The following DPP6 variants were observed in gnomAD, a reference collection of about 807,000 sequenced individuals.
DPP6 encodes the protein A-type potassium channel modulatory protein DPP6.
Under a neutral mutation model 122.6 loss-of-function variants are expected in DPP6, and 69 were observed. That is an observed-to-expected ratio of 0.56 (90% confidence interval 0.46 to 0.69). DPP6 has a LOEUF of 0.69. Ranked by LOEUF, DPP6 falls within the 30% of genes least tolerant of loss-of-function variation. The pLI is 0.00. For missense variants in DPP6, 928 were observed against 1,116.9 expected, an observed-to-expected ratio of 0.83 and a Z score of 2.41; for synonymous variants, 418 against 433.1, an observed-to-expected ratio of 0.97 and a Z score of 0.43.
At chr7:154,052,177 GC>G (rs1800387439), upstream of DPP6, among the ~76,000 whole-genome samples, 3 of 151,238 alleles carry the variant, frequency 2.0e-5, no homozygotes, top group South Asian at 6.3e-4. This position sits in a 1 kb window ranked among gnomAD's most constrained non-coding sequence, Gnocchi z 4.8. Context: ...CTCCCCCACC[GC>G]CCCCGCACCC....
chr7:154,553,992 T>C (rs114739745), intron 4 of DPP6, among the ~76,000 whole-genome samples: 1,597 of 151,078 alleles, frequency 0.011, 33 homozygotes, highest in African/African-American at 0.036. Context: ...CTGTAAACCA[T>C]CTGGACGCTT....
At chr7:154,451,361 CAAAAAA>C (rs397890050) in intron 2 of DPP6, among the ~76,000 whole-genome samples, 1 of 122,148 alleles carries the variant, frequency 8.2e-6, no homozygotes, top group Non-Finnish European at 1.7e-5. Flanking sequence ...CCTGTCTCAC[CAAAAAA>C]AAAAAAAAAA....
At chr7:153,905,293 A>G (rs1799802138) in intron 1 of DPP6, among the ~76,000 whole-genome samples, 1 of 152,160 alleles carries the variant, frequency 6.6e-6, no homozygotes, top group Non-Finnish European at 1.5e-5. Flanking sequence ...AGAGGATCCT[A>G]GTTTCTCTGG....
chr7:153,982,867 C>T (rs1796661082), intron 1 of DPP6, among the ~76,000 whole-genome samples: 1 of 152,234 alleles, frequency 6.6e-6, no homozygotes, highest in African/African-American at 2.4e-5. Context: ...TGGGTATCAC[C>T]AGTGAAGGCT....
At chr7:153,793,217 A>T in the DPP6 span, among the ~76,000 whole-genome samples, 172 of 152,040 alleles carry the variant, frequency 1.1e-3, no homozygotes, top group African/African-American at 4.1e-3. Flanking sequence ...AAAATGTGGG[A>T]AAGTTTGCAG....
At chr7:153,912,148 A>G (rs977763513) in intron 1 of DPP6, among the ~76,000 whole-genome samples, 4 of 152,252 alleles carry the variant, frequency 2.6e-5, no homozygotes, top group Non-Finnish European at 4.4e-5. Flanking sequence ...CAATAAATTT[A>G]CCAGTGGCTT....
chr7:154,638,430 C>T (rs967118799), intron 6 of DPP6, among the ~76,000 whole-genome samples: 8 of 152,138 alleles, frequency 5.3e-5, no homozygotes, highest in South Asian at 4.1e-4. Context: ...GGGGTTTCAG[C>T]GGCGTGTTGT....
At chr7:153,814,949 G>A in the DPP6 span, among the ~76,000 whole-genome samples, 9 of 148,128 alleles carry the variant, frequency 6.1e-5, no homozygotes, top group South Asian at 2.2e-4. Context: ...GGTATTGATG[G>A]GACGTATCTC....
intron 21 of DPP6, among the ~76,000 whole-genome samples, chr7:154,883,061 TCACA>T: frequency 1.7e-5 from 1 of 58,434 alleles, no homozygotes; most frequent in East Asian, 1.0e-3. Flanking sequence ...GCTCACACAT[TCACA>T]CACATGCTCA....
chr7:154,027,977 T>C (rs1281205214), intron 1 of DPP6, among the ~76,000 whole-genome samples: 1 of 150,732 alleles, frequency 6.6e-6, no homozygotes, highest in East Asian at 2.0e-4. Context: ...TTCCCAGCCT[T>C]ACTGGTTTGT....
At chr7:154,751,444 A>AT (rs1843377240) in intron 8 of DPP6, among the ~76,000 whole-genome samples, 2 of 127,392 alleles carry the variant, frequency 1.6e-5, no homozygotes, top group Non-Finnish European at 3.4e-5. Flanking sequence ...TCCTAAAAAT[A>AT]CAAAAAAAAA....
chr7:153,996,354 C>T (rs1215965302), intron 1 of DPP6, among the ~76,000 whole-genome samples: 3 of 152,128 alleles, frequency 2.0e-5, no homozygotes, highest in Non-Finnish European at 2.9e-5. Context: ...CCAGTTCCTC[C>T]TGTCTTAGAA....
At chr7:154,307,955 T>C (rs1806507406) in intron 1 of DPP6, among the ~76,000 whole-genome samples, 1 of 152,008 alleles carries the variant, frequency 6.6e-6, no homozygotes, top group Non-Finnish European at 1.5e-5. Context: ...TAAACTGTGC[T>C]AACTCAATGA....
rs142719816 is a variant in DPP6 at position 154,213,471 on chromosome 7, T to C, written c.243+160408T>C. On this transcript the variant is annotated intron_variant, in intron 1 of 25. Coordinates refer to ENST00000377770, the MANE Select transcript of DPP6 (RefSeq NM_130797.4). ...ACCACCCTGAGTGTTCAGTGAGGAA[T>C]TGCTGCAAGGACAAAGAGTTCCCAA... is the stretch of plus-strand genomic sequence containing the variant. Among the ~76,000 whole-genome samples, 452 of 152,298 alleles carry C rather than the reference T, an allele frequency of 3.0e-3. 5 individuals are homozygous for C. The highest frequency in any genetic ancestry group is 0.01 in the African/African-American group (429 of 41,560).
chr7:153,826,748 G>C, the DPP6 span, among the ~76,000 whole-genome samples: 1 of 152,010 alleles, frequency 6.6e-6, no homozygotes, highest in Admixed American at 6.6e-5. Flanking sequence ...CTTGTTATTG[G>C]AGGAAAAAAT....
At chr7:154,627,463 G>T (rs1371312806) in intron 5 of DPP6, among the ~76,000 whole-genome samples, 1 of 151,948 alleles carries the variant, frequency 6.6e-6, no homozygotes, top group Admixed American at 6.6e-5. Context: ...CTCCCAAAGT[G>T]CTGGGATTAC....
the DPP6 span, among the ~76,000 whole-genome samples, chr7:153,875,874 G>A: frequency 7.2e-6 from 1 of 138,128 alleles, no homozygotes; most frequent in Non-Finnish European, 1.5e-5. Flanking sequence ...GACTGAATTA[G>A]CAAATAAAGA....
rs561431486 is a variant in DPP6, at chr7:154,367,913, T to C, written c.244-78301T>C. Among the ~76,000 whole-genome samples, 137 of 152,286 alleles carry C rather than the reference T, an allele frequency of 9.0e-4. 1 individual carries two copies. The highest frequency in any genetic ancestry group is 1.4e-3 in the Admixed American group (22 of 15,306). On this transcript the variant is annotated intron_variant, in intron 1 of 25. Transcript: ENST00000377770. ...CCTCCGCCTCCCGGGTTCAAGCGAT[T>C]CTCCTGCCTCAGCCTCCTGAGTAGC...
the DPP6 span, among the ~76,000 whole-genome samples, chr7:153,848,635 T>TA: frequency 6.6e-6 from 1 of 152,206 alleles, no homozygotes; most frequent in African/African-American, 2.4e-5. Context: ...GTTTTCTTTT[T>TA]AAAAAATTTC....
Sources: gnomAD v4.1 joint callset for allele counts (sites outside exome capture counted in the v4.1 genomes callset) on GRCh38, gnomAD v4.1.1 for gene constraint, Gnocchi (gnomAD v3.1) non-coding constraint, MANE v1.5 for transcripts, NCBI Gene and HGNC (gene_info 2026-07-23, HGNC 2026-07-21) for gene names.